The following USP49 variants were observed in gnomAD, a reference collection of about 807,000 sequenced individuals.
The protein encoded by USP49 is ubiquitin carboxyl-terminal hydrolase 49.
In USP49, 24 loss-of-function variants were observed where a neutral mutation model predicts 58.6. The observed-to-expected ratio is 0.41, with a 90% CI of 0.30 to 0.58. USP49 has a LOEUF of 0.58. USP49 is among the 20% of genes least tolerant of loss of function. USP49 has a pLI of 0.30. For missense variants in USP49, 703 were observed against 866.1 expected, an observed-to-expected ratio of 0.81 and a Z score of 2.36; for synonymous variants, 408 against 365.1, an observed-to-expected ratio of 1.12 and a Z score of -1.34.
In USP49 at chr6:41,798,773, T is replaced by C. The variant is rs200098867; in HGVS notation, c.1827A>G (p.Lys609=). 23 of 1,613,972 alleles carry C rather than the reference T, an allele frequency of 1.4e-5. No individual in the cohort carries two copies. Among genetic ancestry groups the C allele is most frequent in the Non-Finnish European group, 1.8e-5 (21 of 1,180,018 alleles). ...DLSAVVMHHG[K]GFGSGHYTAY... ...CTGTGTAGTGTCCTGAGCCAAACCCTTTCCCGTGATGCATGACCACTGCGG... is the reference window on the plus strand; with the variant it reads ...CTGTGTAGTGTCCTGAGCCAAACCCCTTCCCGTGATGCATGACCACTGCGG... Residue 609 remains lysine, a synonymous_variant, in exon 7 of 8, where the codon AAA becomes AAG. Coordinates refer to ENST00000682992, the MANE Select transcript of USP49 (RefSeq NM_001286554.2).
At position 41,798,897 on chromosome 6, in the gene USP49, C is replaced by T; in HGVS notation, c.1703G>A (p.Gly568Glu). The T allele has an allele frequency of 6.2e-7, 1 of 1,613,592 alleles. No homozygotes were observed. Among genetic ancestry groups the T allele is most frequent in the Non-Finnish European group, 8.5e-7 (1 of 1,179,908 alleles). The change falls in exon 7 of 8, where the codon GGG becomes GAG. Residue 568 changes from glycine to glutamate, a missense_variant. Gly to Glu is a moderately conservative substitution (Grantham distance 98, BLOSUM62 -2). Transcript: ENST00000682992. The stretch of plus-strand genomic sequence containing the variant: ...TACCTGGTCAAAGACGACATGGACC[C>T]CAATCTTCTCTCGATGATTACGGCC... The part of the protein sequence containing the change: ...WSGRNHREKI[G>E]VHVVFDQVLT...
intron 3 of USP49, among the ~76,000 whole-genome samples, chr6:41,871,001 C>T (rs968372187): frequency 4.0e-5 from 6 of 151,804 alleles, no homozygotes; most frequent in East Asian, 1.9e-4. Flanking sequence ...CAGTGAGCCA[C>T]GATCACACCA....
chr6:41,853,214 T>C (rs1362111667), intron 3 of USP49, among the ~76,000 whole-genome samples: 2 of 152,114 alleles, frequency 1.3e-5, no homozygotes, highest in Non-Finnish European at 2.9e-5. Context: ...GGGGAGAATT[T>C]TGACACATGC....
intron 6 of USP49, 84 bp from the exon 7 acceptor site, chr6:41,799,013 C>A: frequency 1.3e-6 from 2 of 1,493,204 alleles, no homozygotes; most frequent in Non-Finnish European, 1.8e-6. Context: ...AAACAGGAAA[C>A]TGAGAAAATT....
intron 2 of USP49, among the ~76,000 whole-genome samples, chr6:41,883,530 C>A (rs991233271): frequency 6.6e-6 from 1 of 151,874 alleles, no homozygotes; most frequent in Non-Finnish European, 1.5e-5. Flanking sequence ...CGCCTGTAAT[C>A]CCAGCTACAC....
Position 41,844,969 on chromosome 6 carries a change from C to T in USP49, c.-29+26595G>A, listed in dbSNP as rs181319373. 2.0e-3 allele frequency among the ~76,000 whole-genome samples: 302 copies of T among 152,168 alleles called. 2 individuals carry two copies. Among genetic ancestry groups the T allele is most frequent in the African/African-American group, 7.0e-3 (290 of 41,534 alleles). On this transcript the variant is annotated intron_variant, in intron 3 of 7. Transcript: ENST00000682992. ...AAGCTGGAGTGCAATGGCACAATCT[C>T]GGCTCACTGCAACCTCTGCCTCCCA... is the stretch of plus-strand genomic sequence containing the variant.
Position 41,807,351 on chromosome 6 carries a change from CAG to C in USP49, c.-28-342_-28-341del, listed in dbSNP as rs546504807. ...AGGTCGATTGCAATGTTTTTCAAAG[CAG>C]AGATAACATGATATAAGATAGAAAT... is the stretch of plus-strand genomic sequence containing the variant. On this transcript the variant is annotated intron_variant, in intron 3 of 7. Coordinates refer to ENST00000682992, the MANE Select transcript of USP49 (RefSeq NM_001286554.2). Among the ~76,000 whole-genome samples the C allele has an allele frequency of 5.4e-4, 82 of 152,236 alleles. No homozygotes were observed. In the South Asian group the frequency reaches 0.017, roughly 31 times the overall value.
intron 3 of USP49, among the ~76,000 whole-genome samples, chr6:41,839,526 A>G (rs370520930): frequency 6.6e-6 from 1 of 151,682 alleles, no homozygotes; most frequent in South Asian, 2.1e-4. Context: ...AGAAGAAAAG[A>G]GTAACGAAGA....
At chr6:41,892,765 A>G (rs537317128) in intron 1 of USP49, among the ~76,000 whole-genome samples, 1 of 152,350 alleles carries the variant, frequency 6.6e-6, no homozygotes, top group Admixed American at 6.5e-5. Flanking sequence ...AAAAAAAAGT[A>G]TCTTTGTGCA....
chr6:41,834,330 CA>C (rs1773688437), intron 3 of USP49, among the ~76,000 whole-genome samples: 1 of 152,152 alleles, frequency 6.6e-6, no homozygotes, highest in Non-Finnish European at 1.5e-5. Context: ...ATAATAACAG[CA>C]ATAAAAATTA....
chr6:41,799,199 G>A (rs963840374), intron 6 of USP49, among the ~76,000 whole-genome samples: 3 of 151,636 alleles, frequency 2.0e-5, no homozygotes, highest in Non-Finnish European at 2.9e-5. Context: ...CAACCTTCCC[G>A]AGCTCAGGTG....
In USP49 at chr6:41,880,927, A is replaced by T. The variant is rs886764153; in HGVS notation, c.-102-9290T>A. ...ACCTACACAGATTTTTATTTATTTT[A>T]TTTATTTTTTATTCTTTTATTTTGA... On this transcript the variant is annotated intron_variant, in intron 2 of 7. Transcript: ENST00000682992. Among the ~76,000 whole-genome samples, 5 of 151,724 alleles carry T rather than the reference A, an allele frequency of 3.3e-5. No individual in the cohort carries two copies. The East Asian group carries it at 9.7e-4, about 29-fold the overall frequency.
At chr6:41,829,427 C>T (rs1773598005) in intron 3 of USP49, among the ~76,000 whole-genome samples, 1 of 152,066 alleles carries the variant, frequency 6.6e-6, no homozygotes, top group African/African-American at 2.4e-5. Flanking sequence ...GATTCTCCTG[C>T]TTCAGCCTCC....
chr6:41,810,988 A>G (rs1348154656), intron 3 of USP49, among the ~76,000 whole-genome samples: 1 of 152,194 alleles, frequency 6.6e-6, no homozygotes. Context: ...TACTGTGAGT[A>G]GCCCCTTTAA....
chr6:41,835,558 CA>C (rs1160955658), intron 3 of USP49, among the ~76,000 whole-genome samples: 1 of 151,512 alleles, frequency 6.6e-6, no homozygotes, highest in Non-Finnish European at 1.5e-5. Context: ...CAAAAAAATA[CA>C]AAAAATTAGC....
intron 3 of USP49, among the ~76,000 whole-genome samples, chr6:41,867,525 C>T (rs951526837): frequency 6.1e-5 from 9 of 148,474 alleles, no homozygotes; most frequent in Non-Finnish European, 1.2e-4. Context: ...AGGTGGATCA[C>T]GAGGTCAGGA....
intron 3 of USP49, among the ~76,000 whole-genome samples, chr6:41,814,575 A>T (rs898254632): frequency 6.6e-6 from 1 of 152,206 alleles, no homozygotes; most frequent in Non-Finnish European, 1.5e-5. Context: ...GGTCTTAACT[A>T]TATAACTACA....
At chr6:41,818,222 A>G (rs1201346382) in intron 3 of USP49, among the ~76,000 whole-genome samples, 1 of 152,156 alleles carries the variant, frequency 6.6e-6, no homozygotes, top group Non-Finnish European at 1.5e-5. Flanking sequence ...TCTTGCTATA[A>G]GAGTTCTGTA....
chr6:41,863,096 A>G (rs1193477932), intron 3 of USP49, among the ~76,000 whole-genome samples: 2 of 152,022 alleles, frequency 1.3e-5, no homozygotes, highest in African/African-American at 4.8e-5. Flanking sequence ...TAATATTTAA[A>G]TATACTAGCT....
Sources: allele counts gnomAD v4.1 joint callset (sites outside exome capture counted in the v4.1 genomes callset), GRCh38; gene constraint gnomAD v4.1.1; transcripts MANE v1.5; gene names NCBI Gene and HGNC (gene_info 2026-07-23, HGNC 2026-07-21).